Variants in NLRP4 observed in about 807,000 individuals in gnomAD.
NLRP4 encodes the protein NLR family pyrin domain containing 4.
NLRP4 carries 44 observed loss-of-function variants against 84.7 expected under a neutral mutation model. The observed-to-expected ratio is 0.52, with a 90% CI of 0.41 to 0.67. The LOEUF (loss-of-function observed/expected upper bound fraction) is 0.67. Ranked by LOEUF, NLRP4 falls within the 30% of genes least tolerant of loss-of-function variation. The probability of loss-of-function intolerance (pLI) is 0.00; values close to 1 mark genes in which losing one functional copy is unlikely to be tolerated. For missense variants in NLRP4, 1,260 were observed against 1,219.4 expected (o/e 1.03, Z -0.50); for synonymous variants, 544 against 476.4 (o/e 1.14, Z -1.85).
chr19:55,848,436 G>A (rs10417215), intron 1 of NLRP4, among the ~76,000 whole-genome samples: 6,747 of 151,942 alleles, frequency 0.044, 384 homozygotes, highest in African/African-American at 0.13. Context: ...ATGGAGTCTC[G>A]CTCTGTCGCC....
At chr19:55,879,103 C>T in intron 9 of NLRP4, 139 bp downstream of exon 9, 1 of 632,182 alleles carries the variant, frequency 1.6e-6, no homozygotes, top group South Asian at 2.1e-5. Context: ...GAGTAAGAAC[C>T]AAGCAGGTGA....
At chr19:55,840,161 G>A (rs1220563440) in intron 1 of NLRP4, among the ~76,000 whole-genome samples, 1 of 152,110 alleles carries the variant, frequency 6.6e-6, no homozygotes, top group African/African-American at 2.4e-5. Flanking sequence ...GAATGAAAAG[G>A]TCTGTGTCCA....
At chr19:55,868,453 G>GAT (rs1985047594) in intron 6 of NLRP4, among the ~76,000 whole-genome samples, 2 of 151,400 alleles carry the variant, frequency 1.3e-5, no homozygotes, top group Non-Finnish European at 2.9e-5. Flanking sequence ...ACCTTTAGGT[G>GAT]ATACTTATAC....
chr19:55,852,590 C>G (rs962087920), intron 2 of NLRP4, among the ~76,000 whole-genome samples: 9 of 151,628 alleles, frequency 5.9e-5, no homozygotes, highest in Admixed American at 5.9e-4. Flanking sequence ...GATTCTCCTG[C>G]CTCAGCCTCC....
At chr19:55,865,932 C>A (rs1178661015) in intron 5 of NLRP4, among the ~76,000 whole-genome samples, 1 of 152,154 alleles carries the variant, frequency 6.6e-6, no homozygotes, top group Non-Finnish European at 1.5e-5. Context: ...TGATGAGATG[C>A]ACTTTATTTT....
At chr19:55,843,699 A>T (rs936833674) in intron 1 of NLRP4, among the ~76,000 whole-genome samples, 10 of 152,104 alleles carry the variant, frequency 6.6e-5, no homozygotes, top group African/African-American at 2.4e-4. Flanking sequence ...TCAATTAAAA[A>T]AATTATAAAA....
intron 1 of NLRP4, among the ~76,000 whole-genome samples, chr19:55,844,189 T>A (rs1406475961): frequency 2.6e-5 from 4 of 152,182 alleles, no homozygotes; most frequent in African/African-American, 9.7e-5. Flanking sequence ...TAACTTCTAC[T>A]TGCTTTAGGT....
intron 8 of NLRP4, 29 bp from the exon 9 acceptor site, chr19:55,878,765 G>A (rs528984146): frequency 5.8e-5 from 92 of 1,589,244 alleles, no homozygotes; most frequent in East Asian, 2.7e-4. Context: ...GGCTGGGGCC[G>A]CATCTTACCA....
At chr19:55,848,388 A>G (rs1266733386) in intron 1 of NLRP4, among the ~76,000 whole-genome samples, 1 of 151,766 alleles carries the variant, frequency 6.6e-6, no homozygotes, top group African/African-American at 2.4e-5. Flanking sequence ...TGTATACTAT[A>G]CTATACGATA....
intron 2 of NLRP4, among the ~76,000 whole-genome samples, chr19:55,855,987 T>G (rs1190804614): frequency 6.6e-6 from 1 of 152,200 alleles, no homozygotes; most frequent in Non-Finnish European, 1.5e-5. Context: ...TTAAAATCAA[T>G]GACCACAGCA....
At chr19:55,879,013 A>G (rs771919099) in intron 9 of NLRP4, 49 bp downstream of exon 9, 2 of 1,460,778 alleles carry the variant, frequency 1.4e-6, no homozygotes, top group South Asian at 1.2e-5. Context: ...CCGGGCTAAG[A>G]AGGGATTGGC....
rs12462372 is a variant in NLRP4, at chr19:55,862,096, G to A, written c.2123G>A (p.Arg708His). 0.059 allele frequency: 95,729 copies of A among 1,613,280 alleles called. 4,206 individuals carry two copies. Among genetic ancestry groups the A allele is most frequent in the East Asian group, 0.23 (10,320 of 44,844 alleles). The stretch of plus-strand genomic sequence containing the variant: ...AGCTTCACCCTCACGAAACTCTCTC[G>A]TGATGACATCAGGTCCCTCTGTGAT... The part of the protein sequence containing the change: ...YLSFTLTKLS[R>H]DDIRSLCDAL... The change falls in exon 5 of 10, where the codon CGT becomes CAT. Residue 708 changes from arginine (R) to histidine (H), a missense_variant. This residue lies in a region of NLRP4 where 544 missense variants were observed against 531.7 expected (regional missense o/e 1.02). Coordinates refer to ENST00000301295, the MANE Select transcript of NLRP4 (RefSeq NM_134444.5).
intron 6 of NLRP4, among the ~76,000 whole-genome samples, chr19:55,868,291 C>T (rs781159123): frequency 5.3e-5 from 8 of 152,034 alleles, no homozygotes; most frequent in Non-Finnish European, 7.4e-5. Context: ...GGCCTCTTGA[C>T]CCCAGTTAAT....
At position 55,849,831 on chromosome 19, in the gene NLRP4, A is replaced by AAGCTGCGGTGTAATTTCCAT. The variant is rs1983950751; in HGVS notation, c.-65-2167_-65-2166insATAGCTGCGGTGTAATTTCC. ...TTCCAAAGCTGCGGTGTAATTTCCG[A>AAGCTGCGGTGTAATTTCCAT]AGCTGCGGTGTAATTTCCGAGACTG... On this transcript the variant is annotated intron_variant, in intron 1 of 9. Coordinates refer to ENST00000301295, the MANE Select transcript of NLRP4 (RefSeq NM_134444.5). 7.0e-5 allele frequency among the ~76,000 whole-genome samples: 8 copies of AAGCTGCGGTGTAATTTCCAT among 114,656 alleles called. No homozygotes were observed. In the South Asian group the frequency reaches 1.1e-3, roughly 16 times the overall value. The allele number at this position is 114,656 out of a possible 152,430, so 75.2% of individuals were successfully genotyped here. A position where few individuals can be genotyped will look rare whatever the true frequency, so the allele number is the denominator to read the frequency against.
At chr19:55,867,627 TC>T in intron 5 of NLRP4, 81 bp from the exon 6 acceptor site, 1 of 1,313,138 alleles carries the variant, frequency 7.6e-7, no homozygotes, top group Non-Finnish European at 1.1e-6. Context: ...AATGTGGGCT[TC>T]CCGACTCTGA....
intron 2 of NLRP4, among the ~76,000 whole-genome samples, chr19:55,855,792 G>A (rs770146286): frequency 6.6e-6 from 1 of 152,240 alleles, no homozygotes; most frequent in Non-Finnish European, 1.5e-5. Context: ...CGGCCTGGCT[G>A]AAGGATCAGC....
Position 55,867,769 on chromosome 19 carries a change from C to G in NLRP4, c.2247C>G (p.Asn749Lys). Residue 749 changes from asparagine (N) to lysine (K), a missense_variant, in exon 6 of 10, where the codon AAC becomes AAG. Physicochemically the swap from Asn to Lys is moderately conservative, Grantham distance 94. Transcript: ENST00000301295. ...DCEVLAGLLTNNKKLTYLNVS... is the reference protein window; with the variant it reads ...DCEVLAGLLTKNKKLTYLNVS... ...AAGTCCTTGCTGGCCTTCTAACCAA[C>G]AACAAGAAGCTGACGTATCTGAATG... 4 of 1,614,098 alleles carry G rather than the reference C, an allele frequency of 2.5e-6. No individual in the cohort carries two copies. Among genetic ancestry groups the G allele is most frequent in the Non-Finnish European group, 3.4e-6 (4 of 1,179,932 alleles).
At position 55,858,211 on chromosome 19, in the gene NLRP4, C is replaced by T. The variant is rs767950959; in HGVS notation, c.818C>T (p.Ala273Val). The T allele has an allele frequency of 1.2e-6, 2 of 1,614,110 alleles. No homozygotes were observed. The change falls in exon 3 of 10, where the codon GCC becomes GTC. Residue 273 changes from alanine to valine, a missense_variant. Around this residue, in one of 3 missense-constraint regions of NLRP4, gnomAD observed 712 missense variants for 669.2 expected, o/e 1.06. Coordinates refer to ENST00000301295, the MANE Select transcript of NLRP4 (RefSeq NM_134444.5). This position sits in a 1 kb window ranked among gnomAD's most constrained non-coding sequence, Gnocchi z 4.2. The part of the protein sequence containing the change: ...SLLRKKMLPE[A>V]SLLIAIKPVC... Reference sequence around the variant, plus strand: ...CTGAGGAAGAAGATGCTCCCGGAGGCCTCCCTGCTCATCGCTATCAAACCC... The same window carrying T: ...CTGAGGAAGAAGATGCTCCCGGAGGTCTCCCTGCTCATCGCTATCAAACCC...
intron 1 of NLRP4, among the ~76,000 whole-genome samples, chr19:55,849,777 C>T (rs944730632): frequency 8.2e-5 from 12 of 146,218 alleles, no homozygotes; most frequent in Admixed American, 2.7e-4. Context: ...TCTGTAGCTG[C>T]GGTGTAATTT....
Sources: gnomAD v4.1 joint callset for allele counts (sites outside exome capture counted in the v4.1 genomes callset) on GRCh38, gnomAD v4.1.1 for gene constraint, gnomAD v4.1.1 regional missense constraint, Gnocchi (gnomAD v3.1) non-coding constraint, MANE v1.5 for transcripts, NCBI Gene and HGNC (gene_info 2026-07-23, HGNC 2026-07-21) for gene names.